Variants in SNTG1 observed in about 807,000 individuals in gnomAD.
SNTG1 encodes gamma-1-syntrophin.
In SNTG1, 39 loss-of-function variants were observed where a neutral mutation model predicts 74.7. That is an observed-to-expected ratio of 0.52 (90% CI 0.40 to 0.68). SNTG1 has a LOEUF of 0.68. SNTG1 is among the 30% of genes least tolerant of loss of function. The pLI is 0.00. For synonymous variants in SNTG1, 254 were observed against 217.1 expected (o/e 1.17, Z -1.49); for missense variants, 685 against 609.5 (o/e 1.12, Z -1.30).
At chr8:50,288,448 T>A (rs533653531) in intron 2 of SNTG1, among the ~76,000 whole-genome samples, 12 of 152,204 alleles carry the variant, frequency 7.9e-5, no homozygotes, top group Admixed American at 6.5e-5. Context: ...GGTAAAGACA[T>A]CTACTATATT....
chr8:50,513,813 C>A (rs969848394), intron 9 of SNTG1, among the ~76,000 whole-genome samples: 1 of 152,226 alleles, frequency 6.6e-6, no homozygotes, highest in Non-Finnish European at 1.5e-5. Flanking sequence ...TGCTATCTGT[C>A]ACCCCTTTCT....
intron 9 of SNTG1, among the ~76,000 whole-genome samples, chr8:50,527,181 C>T (rs1158194528): frequency 1.3e-5 from 2 of 151,258 alleles, no homozygotes; most frequent in East Asian, 3.9e-4. Context: ...CCCCATTTTT[C>T]TGTTGGTATG....
chr8:50,645,160 TTC>T (rs1467214302), intron 13 of SNTG1, among the ~76,000 whole-genome samples: 200 of 6,468 alleles, frequency 0.031, 1 homozygote, highest in African/African-American at 0.14. Flanking sequence ...TTATAGAAGG[TTC>T]TATAATGAAC....
chr8:50,629,802 C>G (rs1384350525), intron 13 of SNTG1, among the ~76,000 whole-genome samples: 1 of 152,112 alleles, frequency 6.6e-6, no homozygotes, highest in African/African-American at 2.4e-5. Context: ...CTTATTTTCT[C>G]TACTTTTTAA....
intron 1 of SNTG1, among the ~76,000 whole-genome samples, chr8:50,031,292 C>A (rs758768529): frequency 4.8e-4 from 73 of 151,878 alleles, no homozygotes; most frequent in Non-Finnish European, 9.1e-4. Context: ...CAAATAAGTT[C>A]TATTTTATTT....
intron 1 of SNTG1, among the ~76,000 whole-genome samples, chr8:50,019,780 A>G (rs1011978416): frequency 7.9e-5 from 12 of 152,054 alleles, no homozygotes; most frequent in African/African-American, 2.9e-4. Context: ...AGATTGAAAT[A>G]CAATTGTACA....
chr8:50,240,091 A>T (rs1256562031), intron 2 of SNTG1, among the ~76,000 whole-genome samples: 1 of 152,202 alleles, frequency 6.6e-6, no homozygotes, highest in Non-Finnish European at 1.5e-5. Flanking sequence ...GGAAAGACAA[A>T]CTAAAGACTC....
At chr8:50,755,753 C>T (rs1390396630) in intron 18 of SNTG1, among the ~76,000 whole-genome samples, 1 of 151,902 alleles carries the variant, frequency 6.6e-6, no homozygotes, top group Non-Finnish European at 1.5e-5. Context: ...GCTCCACAAT[C>T]TCACCAGTAA....
At chr8:50,611,694 A>G (rs2094850901) in intron 13 of SNTG1, among the ~76,000 whole-genome samples, 1 of 152,162 alleles carries the variant, frequency 6.6e-6, no homozygotes, top group Non-Finnish European at 1.5e-5. Context: ...AGGCTGAGGT[A>G]GTAGAATTGC....
intron 13 of SNTG1, among the ~76,000 whole-genome samples, chr8:50,652,957 C>T (rs1045713280): frequency 4.0e-5 from 6 of 151,678 alleles, no homozygotes; most frequent in East Asian, 1.9e-4. Context: ...CTTAGATCTA[C>T]GTTTTCTAAT....
intron 1 of SNTG1, among the ~76,000 whole-genome samples, chr8:49,925,014 G>A (rs1585521304): frequency 1.3e-5 from 2 of 152,132 alleles, no homozygotes; most frequent in East Asian, 1.9e-4. Context: ...TTATCCGGAT[G>A]TGGTGGTGTG....
intron 2 of SNTG1, among the ~76,000 whole-genome samples, chr8:50,191,531 A>G (rs2083577160): frequency 6.6e-6 from 1 of 152,146 alleles, no homozygotes; most frequent in African/African-American, 2.4e-5. Flanking sequence ...ACAATCCTCT[A>G]ATACAGAATT....
chr8:50,028,548 T>A (rs1817468681), intron 1 of SNTG1, among the ~76,000 whole-genome samples: 1 of 151,082 alleles, frequency 6.6e-6, no homozygotes, highest in Non-Finnish European at 1.5e-5. Flanking sequence ...ATTTTCAGAC[T>A]GAATGCACCG....
intron 2 of SNTG1, among the ~76,000 whole-genome samples, chr8:50,393,705 TC>T (rs1487871505): frequency 6.6e-6 from 1 of 152,236 alleles, no homozygotes; most frequent in Non-Finnish European, 1.5e-5. Flanking sequence ...ATAGCTTGCT[TC>T]CTTACATCAT....
chr8:50,245,891 T>A (rs1329853043), intron 2 of SNTG1, among the ~76,000 whole-genome samples: 1 of 151,986 alleles, frequency 6.6e-6, no homozygotes, highest in African/African-American at 2.4e-5. Flanking sequence ...CTTTGCAAAC[T>A]ATGAAAACTT....
intron 15 of SNTG1, among the ~76,000 whole-genome samples, chr8:50,679,641 T>A: frequency 6.6e-6 from 1 of 152,126 alleles, no homozygotes; most frequent in African/African-American, 2.4e-5. Context: ...CTGAATAATA[T>A]AACTTTCTGG....
At chr8:50,319,591 C>G (rs1300287281) in intron 2 of SNTG1, among the ~76,000 whole-genome samples, 1 of 152,140 alleles carries the variant, frequency 6.6e-6, no homozygotes, top group Admixed American at 6.5e-5. Flanking sequence ...CTAGCTAATA[C>G]TTCCAGTACT....
At chr8:50,183,770 A>ATG (rs2083290255) in intron 2 of SNTG1, among the ~76,000 whole-genome samples, 1 of 152,150 alleles carries the variant, frequency 6.6e-6, no homozygotes, top group Non-Finnish European at 1.5e-5. Flanking sequence ...CAGCCCAGTC[A>ATG]TGACTCTTAC....
chr8:49,982,740 A>C, intron 1 of SNTG1, among the ~76,000 whole-genome samples: 1 of 151,990 alleles, frequency 6.6e-6, no homozygotes. Context: ...GGCTTAACCT[A>C]GTATAGTTTA....
Sources: gnomAD v4.1 joint callset for allele counts (sites outside exome capture counted in the v4.1 genomes callset) on GRCh38, gnomAD v4.1.1 for gene constraint, MANE v1.5 for transcripts, NCBI Gene and HGNC (gene_info 2026-07-23, HGNC 2026-07-21) for gene names.